The following MBNL1 variants were observed in gnomAD, a reference collection of about 807,000 sequenced individuals.
The protein encoded by MBNL1 is muscleblind-like protein 1.
Under a neutral mutation model 42.2 loss-of-function variants are expected in MBNL1, and 8 were observed. The ratio of observed to expected loss-of-function variants is 0.19; its 90% CI spans 0.11 to 0.34. The LOEUF is 0.34. Ranked by LOEUF, MBNL1 falls within the 10% of genes least tolerant of loss-of-function variation. The pLI is 1.00. For missense variants in MBNL1, 309 were observed against 495.3 expected (o/e 0.62, Z 3.57); for synonymous variants, 169 against 173.9 (o/e 0.97, Z 0.22).
chr3:152,259,996 C>G (rs1294443049), intron 2 of MBNL1, among the ~76,000 whole-genome samples: 1 of 152,114 alleles, frequency 6.6e-6, no homozygotes, highest in Non-Finnish European at 1.5e-5. Context: ...ATTTCATATT[C>G]ATTGTCCTTG....
chr3:152,384,827 G>T, intron 2 of MBNL1, among the ~76,000 whole-genome samples: 1 of 152,196 alleles, frequency 6.6e-6, no homozygotes, highest in African/African-American at 2.4e-5. Flanking sequence ...ATGCTGTCCG[G>T]AGTTTCTATT....
intron 2 of MBNL1, among the ~76,000 whole-genome samples, chr3:152,347,598 G>C (rs1302222661): frequency 6.6e-6 from 1 of 152,068 alleles, no homozygotes; most frequent in Non-Finnish European, 1.5e-5. Flanking sequence ...TTACAACAAA[G>C]AACACAGAAA....
chr3:152,311,433 A>G (rs2066413361), intron 2 of MBNL1, among the ~76,000 whole-genome samples: 1 of 152,216 alleles, frequency 6.6e-6, no homozygotes, highest in Non-Finnish European at 1.5e-5. Context: ...AATCTTTACA[A>G]GTTGTACTAT....
chr3:152,381,542 CTG>C (rs1286584511), intron 2 of MBNL1, among the ~76,000 whole-genome samples: 1 of 151,794 alleles, frequency 6.6e-6, no homozygotes, highest in Non-Finnish European at 1.5e-5. Context: ...ATAAATGTGT[CTG>C]TGTCGTTTCC....
At chr3:152,396,624 C>A (rs530908656) in intron 2 of MBNL1, among the ~76,000 whole-genome samples, 3 of 152,110 alleles carry the variant, frequency 2.0e-5, no homozygotes, top group Non-Finnish European at 4.4e-5. Context: ...GGTTTCACAG[C>A]GCACTTCATA....
intron 1 of MBNL1, among the ~76,000 whole-genome samples, chr3:152,277,393 C>T (rs974169468): frequency 2.6e-5 from 4 of 152,144 alleles, no homozygotes; most frequent in Admixed American, 1.3e-4. Context: ...TAGTGATAAA[C>T]AAGGTGGCAG....
intron 2 of MBNL1, among the ~76,000 whole-genome samples, chr3:152,322,203 C>T (rs925442622): frequency 3.9e-5 from 6 of 151,956 alleles, no homozygotes; most frequent in African/African-American, 9.7e-5. Flanking sequence ...TTTATAAGGC[C>T]GTGCCTTAGT....
chr3:152,276,966 G>T (rs2045597857), intron 1 of MBNL1, among the ~76,000 whole-genome samples: 1 of 152,092 alleles, frequency 6.6e-6, no homozygotes, highest in African/African-American at 2.4e-5. Context: ...GGCTGCATAG[G>T]ATGTACCAGC....
intron 2 of MBNL1, among the ~76,000 whole-genome samples, chr3:152,316,671 T>TA (rs2071745224): frequency 6.6e-6 from 1 of 152,198 alleles, no homozygotes; most frequent in Non-Finnish European, 1.5e-5. Flanking sequence ...TGTGTGCCTC[T>TA]GATTAACAAC....
chr3:152,326,660 C>T (rs1315180390), intron 2 of MBNL1, among the ~76,000 whole-genome samples: 1 of 151,870 alleles, frequency 6.6e-6, no homozygotes, highest in Non-Finnish European at 1.5e-5. Flanking sequence ...GGAAAAAATG[C>T]ATGATATTTA....
At chr3:152,270,043 C>G (rs548024572) in intron 1 of MBNL1, among the ~76,000 whole-genome samples, 2 of 151,950 alleles carry the variant, frequency 1.3e-5, no homozygotes, top group South Asian at 4.2e-4. Flanking sequence ...TCCCCTCGCA[C>G]AGCACTTTAC....
rs1740174020 is a variant in MBNL1 at position 152,459,268 on chromosome 3, T to C, written c.1093-3T>C. 1.3e-6 allele frequency: 2 copies of C among 1,558,644 alleles called. No homozygotes were observed. Among genetic ancestry groups the C allele is most frequent in the South Asian group, 1.2e-5 (1 of 84,060 alleles). On this transcript the variant is annotated splice_polypyrimidine_tract_variant and splice_region_variant and intron_variant, in intron 8 of 9. Transcript: ENST00000324210. ...ATTCATTAAATAATTTTTTATTTGC[T>C]AGATACCCATAATATCTGCCGAACA...
At chr3:152,293,776 A>G (rs1447683603) in intron 1 of MBNL1, among the ~76,000 whole-genome samples, 1 of 152,204 alleles carries the variant, frequency 6.6e-6, no homozygotes, top group East Asian at 1.9e-4. Context: ...CTGATTGCCT[A>G]TATTTGCTTT....
chr3:152,261,634 C>T (rs2036299233), intron 2 of MBNL1, among the ~76,000 whole-genome samples: 1 of 152,032 alleles, frequency 6.6e-6, no homozygotes, highest in Admixed American at 6.5e-5. Flanking sequence ...AGTTGCAAGG[C>T]CAGTTTGGGA....
chr3:152,426,606 A>G (rs1417029031), intron 3 of MBNL1, among the ~76,000 whole-genome samples: 2 of 152,196 alleles, frequency 1.3e-5, no homozygotes, highest in Non-Finnish European at 2.9e-5. Flanking sequence ...AGAGCTCTAC[A>G]TAAGCAGTGG....
At chr3:152,389,340 C>A (rs2097575608) in intron 2 of MBNL1, among the ~76,000 whole-genome samples, 1 of 152,176 alleles carries the variant, frequency 6.6e-6, no homozygotes, top group Non-Finnish European at 1.5e-5. Context: ...CCACCCACCT[C>A]AGCCTCCCAA....
At chr3:152,347,362 A>T (rs1436170686) in intron 2 of MBNL1, among the ~76,000 whole-genome samples, 2 of 152,146 alleles carry the variant, frequency 1.3e-5, no homozygotes, top group Non-Finnish European at 2.9e-5. Flanking sequence ...ACTTTAAAAA[A>T]ATATATTTTT....
At chr3:152,336,368 A>T (rs2090185381) in intron 2 of MBNL1, among the ~76,000 whole-genome samples, 1 of 152,214 alleles carries the variant, frequency 6.6e-6, no homozygotes, top group Non-Finnish European at 1.5e-5. Flanking sequence ...TTTTATTTAA[A>T]GTCAAATTAT....
chr3:152,376,509 G>A (rs1488899449), intron 2 of MBNL1, among the ~76,000 whole-genome samples: 2 of 152,186 alleles, frequency 1.3e-5, no homozygotes, highest in Non-Finnish European at 2.9e-5. Flanking sequence ...TGTTTTAGAA[G>A]TAAAATGTGA....
Sources: gnomAD v4.1 joint callset for allele counts (sites outside exome capture counted in the v4.1 genomes callset) on GRCh38, gnomAD v4.1.1 for gene constraint, MANE v1.5 for transcripts, NCBI Gene and HGNC (gene_info 2026-07-23, HGNC 2026-07-21) for gene names.